Variants in DLG2 observed in about 807,000 individuals in gnomAD.
The protein encoded by DLG2 is discs large MAGUK scaffold protein 2, also known as disks large homolog 2.
DLG2 carries 45 observed loss-of-function variants against 132.5 expected under a neutral mutation model. That is an observed-to-expected ratio of 0.34 (90% CI 0.27 to 0.44). The LOEUF (loss-of-function observed/expected upper bound fraction) is 0.44, where lower values mean the gene tolerates loss of function less well. Among genes scored for constraint, DLG2 ranks in the 20% least tolerant of loss-of-function variants. The probability of loss-of-function intolerance (pLI) is 1.00; values close to 1 mark genes in which losing one functional copy is unlikely to be tolerated. For missense variants in DLG2, 1,045 were observed against 1,196.9 expected (o/e 0.87, Z 1.87); for synonymous variants, 424 against 419.6 (o/e 1.01, Z -0.13).
At chr11:84,164,749 T>A (rs1418760056) in intron 8 of DLG2, among the ~76,000 whole-genome samples, 7 of 152,234 alleles carry the variant, frequency 4.6e-5, no homozygotes, top group African/African-American at 1.7e-4. Flanking sequence ...ACATATAGAA[T>A]GACAATGACA....
intron 3 of DLG2, among the ~76,000 whole-genome samples, chr11:85,586,690 A>G (rs1166390668): frequency 6.6e-6 from 1 of 150,724 alleles, no homozygotes; most frequent in Admixed American, 6.6e-5. Context: ...TTTTGTTTTG[A>G]TTTCATTTGG....
intron 6 of DLG2, among the ~76,000 whole-genome samples, chr11:85,036,502 T>C (rs148950436): frequency 6.6e-6 from 1 of 152,310 alleles, no homozygotes; most frequent in African/African-American, 2.4e-5. Context: ...TTGATAATTT[T>C]AAAATTATAT....
chr11:83,600,365 A>G (rs1199659939), intron 19 of DLG2, among the ~76,000 whole-genome samples: 5 of 152,032 alleles, frequency 3.3e-5, no homozygotes, highest in African/African-American at 4.8e-5. Context: ...CAAGAATGCA[A>G]TGTTTCTCTT....
Position 85,492,710 on chromosome 11 carries a change from T to C in DLG2, c.40+105947A>G, listed in dbSNP as rs149879384. ...TTGGGAGGGTATATTTGGGATGGTC[T>C]GACTTAAAATATAGGTTACATGGCA... On this transcript the variant is annotated intron_variant, in intron 3 of 27. Coordinates refer to ENST00000376104, the MANE Select transcript of DLG2 (RefSeq NM_001142699.3). Among the ~76,000 whole-genome samples, 877 of 145,842 alleles carry C rather than the reference T, an allele frequency of 6.0e-3. 4 individuals are homozygous for C. The highest frequency in any genetic ancestry group is 0.013 in the Admixed American group (195 of 15,102).
intron 17 of DLG2, among the ~76,000 whole-genome samples, chr11:83,798,998 A>T (rs1337253784): frequency 6.6e-6 from 1 of 152,206 alleles, no homozygotes; most frequent in East Asian, 1.9e-4. Flanking sequence ...AAATTTAATT[A>T]TTTCTATGGC....
chr11:84,564,075 A>G (rs1394502455), intron 6 of DLG2, among the ~76,000 whole-genome samples: 1 of 152,232 alleles, frequency 6.6e-6, no homozygotes, highest in Non-Finnish European at 1.5e-5. Context: ...AAAAGAAAGA[A>G]GTCAGATGTC....
chr11:85,400,410 G>C (rs1052484080), intron 3 of DLG2, among the ~76,000 whole-genome samples: 3 of 140,272 alleles, frequency 2.1e-5, no homozygotes, highest in Non-Finnish European at 4.6e-5. Context: ...AATACCATTT[G>C]ACCCAGCCAT....
rs1175961077 is a variant in DLG2 at position 84,651,805 on chromosome 11, T to C, written c.358-117074A>G. On this transcript the variant is annotated intron_variant, in intron 6 of 27. Transcript: ENST00000376104. ...TATAACTTTGCTTCCATAACACCAG[T>C]AGGCACCATGAAAGGTGAAAACTCT... is the stretch of plus-strand genomic sequence containing the variant. 2.0e-5 allele frequency among the ~76,000 whole-genome samples: 3 copies of C among 152,268 alleles called. No homozygotes were observed. The East Asian group carries it at 5.8e-4, about 29-fold the overall frequency.
intron 6 of DLG2, among the ~76,000 whole-genome samples, chr11:84,564,301 G>A (rs935875577): frequency 1.3e-5 from 2 of 152,182 alleles, no homozygotes; most frequent in African/African-American, 4.8e-5. Flanking sequence ...TGAGCAAGAA[G>A]CTGTCTAAAG....
At chr11:84,058,504 T>TAAA (rs372631929) in intron 11 of DLG2, among the ~76,000 whole-genome samples, 4,557 of 122,894 alleles carry the variant, frequency 0.037, 135 homozygotes, top group African/African-American at 0.085. Context: ...AAAAAACAAA[T>TAAA]ACAATAATAA....
chr11:83,524,850 A>G (rs1373284304), intron 21 of DLG2, among the ~76,000 whole-genome samples: 2 of 152,190 alleles, frequency 1.3e-5, no homozygotes, highest in African/African-American at 4.8e-5. Context: ...TTCAAGGCTC[A>G]TTTTGAACGA....
At chr11:83,885,332 GAAGA>G (rs1326206581) in intron 15 of DLG2, among the ~76,000 whole-genome samples, 2 of 152,172 alleles carry the variant, frequency 1.3e-5, no homozygotes, top group Non-Finnish European at 2.9e-5. Flanking sequence ...TGATCAACTG[GAAGA>G]AAGGGTATCA....
chr11:84,153,406 G>A (rs1327448227), intron 9 of DLG2, among the ~76,000 whole-genome samples: 4 of 151,966 alleles, frequency 2.6e-5, no homozygotes, highest in African/African-American at 9.7e-5. Flanking sequence ...CTGGGGACAT[G>A]TTCATGAATT....
chr11:84,776,967 G>A (rs1370677862), intron 6 of DLG2, among the ~76,000 whole-genome samples: 1 of 151,952 alleles, frequency 6.6e-6, no homozygotes, highest in Non-Finnish European at 1.5e-5. Context: ...TAGTGCTCAA[G>A]TCAGGGCTTT....
intron 11 of DLG2, among the ~76,000 whole-genome samples, chr11:84,016,365 A>G (rs1176439263): frequency 6.6e-6 from 1 of 152,010 alleles, no homozygotes; most frequent in East Asian, 1.9e-4. Context: ...TATATCCCAT[A>G]TGTCAATTTT....
chr11:84,936,538 G>GATAT (rs1364596232), intron 6 of DLG2, among the ~76,000 whole-genome samples: 1 of 151,888 alleles, frequency 6.6e-6, no homozygotes, highest in Non-Finnish European at 1.5e-5. Flanking sequence ...TGATAAGGAA[G>GATAT]ATATATATGT....
chr11:83,639,022 T>C (rs1179066389), intron 18 of DLG2, among the ~76,000 whole-genome samples: 4 of 152,186 alleles, frequency 2.6e-5, no homozygotes, highest in African/African-American at 9.7e-5. Flanking sequence ...AAAGGAGGCA[T>C]TGCCTCCTGT....
intron 7 of DLG2, among the ~76,000 whole-genome samples, chr11:84,367,046 T>C (rs1269645493): frequency 3.3e-5 from 5 of 152,034 alleles, no homozygotes; most frequent in African/African-American, 7.2e-5. Flanking sequence ...TATTCCAAAA[T>C]TGACCACATA....
At chr11:85,029,097 AAGC>A (rs1280706524) in intron 6 of DLG2, among the ~76,000 whole-genome samples, 2 of 152,198 alleles carry the variant, frequency 1.3e-5, no homozygotes, top group African/African-American at 2.4e-5. Flanking sequence ...TGAAAGCACA[AAGC>A]AGTTAGTTGC....
Sources: gnomAD v4.1 joint callset for allele counts (sites outside exome capture counted in the v4.1 genomes callset) on GRCh38, gnomAD v4.1.1 for gene constraint, MANE v1.5 for transcripts, NCBI Gene and HGNC (gene_info 2026-07-23, HGNC 2026-07-21) for gene names.